Variants in MUCL1 observed in about 807,000 individuals in gnomAD.
The protein encoded by MUCL1 is mucin-like protein 1.
Under a neutral mutation model 9.2 loss-of-function variants are expected in MUCL1, and 11 were observed. The ratio of observed to expected loss-of-function variants is 1.19; its 90% CI spans 0.75 to 1.97. The LOEUF (loss-of-function observed/expected upper bound fraction) is 1.97. MUCL1 is among the 30% of genes most tolerant of loss of function. MUCL1 has a pLI of 0.00. For synonymous variants in MUCL1, 48 were observed against 40.5 expected (o/e 1.19, Z -0.71); for missense variants, 144 against 110.9 (o/e 1.30, Z -1.34).
intron 1 of MUCL1, among the ~76,000 whole-genome samples, chr12:54,844,353 G>T (rs1357942096): frequency 6.6e-6 from 1 of 152,044 alleles, no homozygotes; most frequent in Non-Finnish European, 1.5e-5. Flanking sequence ...GCCCTAAGAG[G>T]TTGCTGAGGA....
chr12:54,844,121 A>G (rs1050681292), intron 1 of MUCL1, among the ~76,000 whole-genome samples: 36 of 152,148 alleles, frequency 2.4e-4, no homozygotes, highest in Admixed American at 2.4e-3. Context: ...TACTGGTGTC[A>G]TCAAATTATA....
chr12:54,830,865 T>C (rs148126109), exon 1 of MUCL1: 2 of 152,330 alleles, frequency 1.3e-5, no homozygotes, highest in East Asian at 3.9e-4. Flanking sequence ...CTGGATGTTT[T>C]GTACACTCAG....
chr12:54,854,989 C>A, intron 1 of MUCL1, 127 bp from the exon 2 acceptor site: 1 of 765,674 alleles, frequency 1.3e-6, no homozygotes, highest in Non-Finnish European at 2.2e-6. Context: ...TGTTCTTCCT[C>A]AACTGGTACA....
At position 54,845,995 on chromosome 12, in the gene MUCL1, CA is replaced by C. The variant is rs551584503; in HGVS notation, c.43+6556del. On this transcript the variant is annotated intron_variant, in intron 1 of 3. Coordinates refer to the MUCL1 transcript ENST00000546809. Reference sequence around the variant, plus strand: ...CATCTCTTTTGTTTCCTTTATTCTGCAAAAAAAACTTGTAGCTTTTTTTATG... The same window carrying C: ...CATCTCTTTTGTTTCCTTTATTCTGCAAAAAAACTTGTAGCTTTTTTTATG... Among the ~76,000 whole-genome samples the C allele has an allele frequency of 5.9e-5, 9 of 151,758 alleles. No homozygotes were observed. In the East Asian group the frequency reaches 7.7e-4, roughly 13 times the overall value.
At chr12:54,837,465 G>T (rs1208392002), upstream of MUCL1, among the ~76,000 whole-genome samples, 1 of 151,952 alleles carries the variant, frequency 6.6e-6, no homozygotes, top group East Asian at 1.9e-4. Flanking sequence ...TTTACCTCAA[G>T]TCTATAAGAA....
intron 1 of MUCL1, among the ~76,000 whole-genome samples, chr12:54,846,714 A>G (rs1316994604): frequency 6.6e-6 from 1 of 152,170 alleles, no homozygotes; most frequent in African/African-American, 2.4e-5. Context: ...GTGGTAAAAT[A>G]ATGAATCAGG....
chr12:54,849,885 G>C (rs1203299423), upstream of MUCL1, among the ~76,000 whole-genome samples: 2 of 152,086 alleles, frequency 1.3e-5, no homozygotes, highest in African/African-American at 4.8e-5. Flanking sequence ...GAAAAATAAA[G>C]CCTCAAAACT....
At chr12:54,837,768 C>CA (rs1480257119), upstream of MUCL1, among the ~76,000 whole-genome samples, 24 of 151,260 alleles carry the variant, frequency 1.6e-4, no homozygotes, top group Admixed American at 1.2e-3. Flanking sequence ...GACTCCGTCT[C>CA]CAAAAAAACA....
At chr12:54,837,243 T>C (rs1959194265), upstream of MUCL1, among the ~76,000 whole-genome samples, 1 of 152,170 alleles carries the variant, frequency 6.6e-6, no homozygotes, top group Admixed American at 6.5e-5. Flanking sequence ...TAGTAATTGT[T>C]TTATGAATCT....
At chr12:54,831,276 T>C (rs1161917534) in intron 1 of MUCL1, among the ~76,000 whole-genome samples, 1 of 152,180 alleles carries the variant, frequency 6.6e-6, no homozygotes, top group African/African-American at 2.4e-5. Flanking sequence ...GACTTAGAGA[T>C]AAATGAGTGC....
upstream of MUCL1, among the ~76,000 whole-genome samples, chr12:54,836,806 T>A (rs1959193576): frequency 2.0e-5 from 3 of 152,190 alleles, no homozygotes; most frequent in Non-Finnish European, 2.9e-5. Context: ...TTTTGAAGAA[T>A]TTTTGAATTT....
upstream of MUCL1, among the ~76,000 whole-genome samples, chr12:54,853,796 T>C (rs919169914): frequency 2.6e-5 from 4 of 152,226 alleles, no homozygotes; most frequent in Admixed American, 2.6e-4. Context: ...CGCTGTTATT[T>C]TTCTAACATC....
chr12:54,841,198 T>G (rs138114477), intron 1 of MUCL1, among the ~76,000 whole-genome samples: 2,929 of 152,320 alleles, frequency 0.019, 32 homozygotes, highest in Non-Finnish European at 0.026. Flanking sequence ...AATACATACA[T>G]GTATATGTAG....
intron 2 of MUCL1, among the ~76,000 whole-genome samples, chr12:54,856,567 C>G (rs955209474): frequency 1.3e-5 from 2 of 152,140 alleles, no homozygotes; most frequent in Non-Finnish European, 2.9e-5. Flanking sequence ...AGGGAAACCC[C>G]AAATTCTTTC....
upstream of MUCL1, among the ~76,000 whole-genome samples, chr12:54,852,563 C>T (rs917646509): frequency 7.2e-5 from 11 of 152,186 alleles, no homozygotes; most frequent in Non-Finnish European, 1.0e-4. Context: ...TCACACTTTT[C>T]CTGTTTAATC....
chr12:54,852,193 T>C (rs1409891265), upstream of MUCL1, among the ~76,000 whole-genome samples: 6 of 152,090 alleles, frequency 3.9e-5, no homozygotes, highest in Non-Finnish European at 5.9e-5. Flanking sequence ...GAGCCCACAT[T>C]GCCAAGTCAA....
At position 54,858,362 on chromosome 12, in the gene MUCL1, CA is replaced by C; in HGVS notation, c.*123del. 7.9e-7 allele frequency: 1 copy of C among 1,270,430 alleles called. No homozygotes were observed. The highest frequency in any genetic ancestry group is 1.3e-5 in the South Asian group (1 of 77,698). The allele number at this position is 1,270,430 out of a possible 1,614,324, so 78.7% of individuals were successfully genotyped here. A position where few individuals can be genotyped will look rare whatever the true frequency, so the allele number is the denominator to read the frequency against. ...TATCTCTAATCAGTTTATTTTCTTT[CA>C]AATAAAAAATAACTATGAGCAACAT... On this transcript the variant is annotated 3_prime_UTR_variant, in exon 4 of 4. Coordinates refer to ENST00000308796, the MANE Select transcript of MUCL1 (RefSeq NM_058173.3).
intron 1 of MUCL1, among the ~76,000 whole-genome samples, chr12:54,833,699 T>A (rs1240824557): frequency 2.0e-5 from 3 of 151,968 alleles, no homozygotes; most frequent in Non-Finnish European, 4.4e-5. Flanking sequence ...GAAACCATCA[T>A]TCTCAGCAAA....
At chr12:54,839,502 G>A (rs1015082725) in intron 1 of MUCL1, 1 of 700,846 alleles carries the variant, frequency 1.4e-6, no homozygotes, top group African/African-American at 1.7e-5. Context: ...GACAGAGGCA[G>A]CTGGGGGAGG....
Sources: gnomAD v4.1 joint callset for allele counts (sites outside exome capture counted in the v4.1 genomes callset) on GRCh38, gnomAD v4.1.1 for gene constraint, MANE v1.5 for transcripts, NCBI Gene and HGNC (gene_info 2026-07-23, HGNC 2026-07-21) for gene names.